Variants in KLHL13 observed in about 807,000 individuals in gnomAD.
The protein encoded by KLHL13 is kelch like family member 13.
A neutral mutation model predicts 37.1 loss-of-function variants in KLHL13; 10 were observed. That is an observed-to-expected ratio of 0.27 (90% confidence interval 0.17 to 0.46). The LOEUF is 0.46. Among genes scored for constraint, KLHL13 ranks in the 20% least tolerant of loss-of-function variants. The probability of loss-of-function intolerance (pLI) is 1.00; values close to 1 mark genes in which losing one functional copy is unlikely to be tolerated. For synonymous variants in KLHL13, 163 were observed against 181.2 expected (o/e 0.90, Z 0.81); for missense variants, 360 against 509.3 (o/e 0.71, Z 2.82).
chrX:118,097,495 C>T (rs1187806442), intron 1 of KLHL13, among the ~76,000 whole-genome samples: 1 of 111,559 alleles, frequency 9.0e-6, no homozygotes, highest in Non-Finnish European at 1.9e-5. Flanking sequence ...GTGAAAATGG[C>T]CATACTGCCC....
intron 1 of KLHL13, among the ~76,000 whole-genome samples, chrX:118,003,115 T>C (rs1415797693): frequency 8.9e-6 from 1 of 112,778 alleles, no homozygotes; most frequent in East Asian, 2.8e-4. Flanking sequence ...GAGCTTTCTA[T>C]GCCATGCTAA....
At chrX:118,077,189 A>G (rs1396148262) in intron 1 of KLHL13, among the ~76,000 whole-genome samples, 8 of 111,527 alleles carry the variant, frequency 7.2e-5, no homozygotes, top group Admixed American at 3.9e-4. Flanking sequence ...TGGGTCTCCA[A>G]TGAACTAGGC....
intron 1 of KLHL13, among the ~76,000 whole-genome samples, chrX:118,007,800 T>A (rs893739034): frequency 1.8e-5 from 2 of 111,692 alleles, no homozygotes; most frequent in Non-Finnish European, 3.8e-5. Flanking sequence ...TAGAAGAGAA[T>A]CATAGTATGC....
intron 2 of KLHL13, among the ~76,000 whole-genome samples, chrX:117,921,885 A>C (rs1204400200): frequency 8.9e-6 from 1 of 112,198 alleles, no homozygotes; most frequent in Admixed American, 9.4e-5. Flanking sequence ...TTCCAAAAAT[A>C]TTTATACATT....
chrX:118,033,189 C>T (rs956779815), intron 1 of KLHL13, among the ~76,000 whole-genome samples: 23 of 111,366 alleles, frequency 2.1e-4, no homozygotes, highest in African/African-American at 7.5e-4. Flanking sequence ...TCCAGGAGAA[C>T]TTCCCCAATC....
chrX:117,969,196 C>G (rs2147891422), intron 1 of KLHL13, among the ~76,000 whole-genome samples: 1 of 111,136 alleles, frequency 9.0e-6, no homozygotes, highest in South Asian at 3.8e-4. Flanking sequence ...TAATTCTTAC[C>G]TAATTGCCTT....
intron 1 of KLHL13, among the ~76,000 whole-genome samples, chrX:118,088,167 A>T (rs958432923): frequency 1.8e-5 from 2 of 111,775 alleles, no homozygotes; most frequent in African/African-American, 6.5e-5. Context: ...CTACTGAAGT[A>T]CCTAGGAAAT....
chrX:117,990,433 C>A (rs1235575478), intron 1 of KLHL13, among the ~76,000 whole-genome samples: 1 of 111,839 alleles, frequency 8.9e-6, no homozygotes, highest in Non-Finnish European at 1.9e-5. Flanking sequence ...TTGTTACCAC[C>A]TAGGCCAGGG....
In KLHL13 at chrX:118,021,405, A is replaced by C. The variant is rs1393426397; in HGVS notation, c.-55-75830T>G. On this transcript the variant is annotated intron_variant, in intron 1 of 6. Transcript: ENST00000371882. Reference sequence around the variant, plus strand: ...CCCTCCCCCCTACCCTTACCCCACGACAGGCCCTGGTGTGTGATGTTCCCC... The same window carrying C: ...CCCTCCCCCCTACCCTTACCCCACGCCAGGCCCTGGTGTGTGATGTTCCCC... Among the ~76,000 whole-genome samples the C allele has an allele frequency of 4.7e-5, 5 of 105,988 alleles. No individual in the cohort carries two copies. The Admixed American group carries it at 5.1e-4, about 11-fold the overall frequency. 92.0% of individuals were successfully genotyped at this position (105,988 alleles called of 115,157 possible). A position where few individuals can be genotyped will look rare whatever the true frequency, so the allele number is the denominator to read the frequency against.
Position 118,010,989 on chromosome X carries a change from C to A in KLHL13, c.-55-65414G>T, listed in dbSNP as rs181362168. Among the ~76,000 whole-genome samples, 158 of 110,015 alleles carry A rather than the reference C, an allele frequency of 1.4e-3. 2 individuals are homozygous for A. The highest frequency in any genetic ancestry group is 5.1e-3 in the African/African-American group (153 of 30,256). Reference sequence around the variant, plus strand: ...TCAGGAGGCTGAGGTGGGAGAATCACCTGAGCCTGGGAAGTCAAGGCTGCA... The same window carrying A: ...TCAGGAGGCTGAGGTGGGAGAATCAACTGAGCCTGGGAAGTCAAGGCTGCA... On this transcript the variant is annotated intron_variant, in intron 1 of 6. Transcript: ENST00000371882.
In KLHL13 at chrX:118,094,009, G is replaced by A. The variant is rs371951322; in HGVS notation, c.-56+22499C>T. On this transcript the variant is annotated intron_variant, in intron 1 of 6. Coordinates refer to the KLHL13 transcript ENST00000371882. The stretch of plus-strand genomic sequence containing the variant: ...AGGAACGCAGCTCCTCACCAGCAAC[G>A]GAACAAAGCTGGACAGAGAATGACT... Among the ~76,000 whole-genome samples the A allele has an allele frequency of 8.2e-5, 9 of 109,455 alleles. No homozygotes were observed. The East Asian group carries it at 1.1e-3, about 14-fold the overall frequency.
In KLHL13 at chrX:117,964,304, G is replaced by A. The variant is rs371233740; in HGVS notation, c.98+8427C>T. ...TAGTCCAGACAAATTTTTCTTCTGA[G>A]GTGTTTCCATTGCCCTTAAATCCAT... is the stretch of plus-strand genomic sequence containing the variant. On this transcript the variant is annotated intron_variant, in intron 1 of 6. Coordinates refer to ENST00000262820, the Ensembl canonical transcript of KLHL13. Among the ~76,000 whole-genome samples the A allele has an allele frequency of 1.1e-3, 118 of 112,171 alleles. 2 individuals are homozygous for A. In the South Asian group the frequency reaches 0.043, roughly 41 times the overall value.
At chrX:117,987,648 G>A (rs1322513513) in intron 1 of KLHL13, among the ~76,000 whole-genome samples, 1 of 111,700 alleles carries the variant, frequency 9.0e-6, no homozygotes, top group African/African-American at 3.2e-5. Flanking sequence ...CAAAAACCAT[G>A]GTGATTTCTT....
intron 1 of KLHL13, among the ~76,000 whole-genome samples, chrX:118,014,894 T>A (rs890920037): frequency 3.6e-5 from 4 of 111,948 alleles, no homozygotes; most frequent in Non-Finnish European, 7.5e-5. Context: ...CTACAAGTCT[T>A]TACTGATGTC....
chrX:117,971,923 C>T (rs191019955), intron 1 of KLHL13, among the ~76,000 whole-genome samples: 133 of 111,420 alleles, frequency 1.2e-3, no homozygotes, highest in African/African-American at 4.1e-3. Context: ...AAAAAAGATT[C>T]GGTTTTCCTC....
intron 1 of KLHL13, among the ~76,000 whole-genome samples, chrX:117,957,805 T>C (rs2053227593): frequency 8.9e-6 from 1 of 112,004 alleles, no homozygotes; most frequent in Admixed American, 9.5e-5. Flanking sequence ...ATCATTTAAG[T>C]AAAAGCATAT....
At chrX:118,107,707 T>C in intron 1 of KLHL13, among the ~76,000 whole-genome samples, 1 of 111,517 alleles carries the variant, frequency 9.0e-6, no homozygotes, top group East Asian at 2.8e-4. Context: ...AACCCAAGCC[T>C]ATGATTCCAG....
intron 1 of KLHL13, among the ~76,000 whole-genome samples, chrX:118,015,406 T>A (rs1053824134): frequency 9.0e-6 from 1 of 111,154 alleles, no homozygotes; most frequent in Non-Finnish European, 1.9e-5. Flanking sequence ...AACAAAAAAT[T>A]GTGGAGGGAG....
chrX:117,933,520 T>C (rs776953471), intron 2 of KLHL13, among the ~76,000 whole-genome samples: 7 of 111,727 alleles, frequency 6.3e-5, no homozygotes, highest in African/African-American at 2.3e-4. Context: ...ATAGGTTAAA[T>C]ACTTAAAAGT....
Sources: gnomAD v4.1 joint callset for allele counts (sites outside exome capture counted in the v4.1 genomes callset) on GRCh38, gnomAD v4.1.1 for gene constraint, MANE v1.5 for transcripts, NCBI Gene and HGNC (gene_info 2026-07-23, HGNC 2026-07-21) for gene names.